NPC1L1: variants seen among roughly 807,000 people sequenced by gnomAD.
The protein encoded by NPC1L1 is NPC1 like intracellular cholesterol transporter 1.
A neutral mutation model predicts 117.0 loss-of-function variants in NPC1L1; 98 were observed. That is an observed-to-expected ratio of 0.84 (90% confidence interval 0.71 to 0.99). The LOEUF (loss-of-function observed/expected upper bound fraction) is 0.99, where lower values mean the gene tolerates loss of function less well. Among genes scored for constraint, NPC1L1 ranks in the 50% least tolerant of loss-of-function variants. The pLI is 0.00. For missense variants in NPC1L1, 1,540 were observed against 1,710.0 expected (o/e 0.90, Z 1.75); for synonymous variants, 729 against 727.6 (o/e 1.00, Z -0.03).
In NPC1L1 at chr7:44,539,497, G is replaced by A. The variant is rs763383173; in HGVS notation, c.900C>T (p.Ile300=). Residue 300 remains isoleucine, a synonymous_variant, in exon 2 of 19, where the codon ATC becomes ATT. Coordinates refer to ENST00000381160, the MANE Select transcript of NPC1L1 (RefSeq NM_001101648.2). This position sits in a 1 kb window ranked among gnomAD's most constrained non-coding sequence, Gnocchi z 4.4. ...ILCSVFAVVT[I]LLVGFRVAPA... ...GGGCCACACGGAATCCCACAAGCAG[G>A]ATGGTGACCACAGCGAAGACAGAGC... 15 of 1,613,560 alleles carry A rather than the reference G, an allele frequency of 9.3e-6. No individual in the cohort carries two copies. In the South Asian group the frequency reaches 1.6e-4, roughly 18 times the overall value.
intron 2 of NPC1L1, 134 bp from the exon 3 acceptor site, chr7:44,537,076 C>T: frequency 1.5e-6 from 1 of 676,990 alleles, no homozygotes; most frequent in Non-Finnish European, 2.5e-6. Flanking sequence ...ACACTGGCTG[C>T]AGATAGCCCA....
At position 44,539,840 on chromosome 7, in the gene NPC1L1, C is replaced by T. The variant is rs1802031527; in HGVS notation, c.557G>A (p.Gly186Asp). 2 of 1,614,130 alleles carry T rather than the reference C, an allele frequency of 1.2e-6. No homozygotes were observed. The highest frequency in any genetic ancestry group is 8.5e-7 in the Non-Finnish European group (1 of 1,180,034). Residue 186 changes from glycine (G) to aspartate (D), a missense_variant, in exon 2 of 19, where the codon GGC becomes GAC. Transcript: ENST00000381160. The surrounding 1 kb of genome is among the most constrained non-coding windows in gnomAD (Gnocchi z 4.4). ...AGAGCCATACACGCCACACATGGTG[C>T]CCACAGCCAGCGTGGCAGCTGCAGG... ...RVPAAATLAV[G>D]TMCGVYGSAL...
At chr7:44,530,019 G>T (rs1269040732) in intron 10 of NPC1L1, among the ~76,000 whole-genome samples, 1 of 142,016 alleles carries the variant, frequency 7.0e-6, no homozygotes, top group Non-Finnish European at 1.5e-5. Flanking sequence ...GGGTGACAGA[G>T]CAAGACTCCA....
chr7:44,517,296 C>T lies in NPC1L1; in HGVS notation c.3198G>A (p.Leu1066=). The part of the protein sequence containing the change: ...LKNSQDYTEA[L]RAARELAANI... ...TGGCTGCCAGCTCTCGAGCTGCCCG[C>T]AGAGCTTCTGTGTAATCCTGTGAGT... The change falls in exon 15 of 19, where the codon CTG becomes CTA. Residue 1066 remains leucine (L), a synonymous_variant. Coordinates refer to ENST00000381160, the MANE Select transcript of NPC1L1 (RefSeq NM_001101648.2). 1 of 1,614,150 alleles carries T rather than the reference C, an allele frequency of 6.2e-7. No individual in the cohort carries two copies. Among genetic ancestry groups the T allele is most frequent in the Non-Finnish European group, 8.5e-7 (1 of 1,180,028 alleles).
intron 10 of NPC1L1, among the ~76,000 whole-genome samples, chr7:44,526,573 T>TAAA (rs1801524549): frequency 7.0e-6 from 1 of 142,926 alleles, no homozygotes; most frequent in African/African-American, 2.7e-5. Flanking sequence ...AACTAAAAAT[T>TAAA]AAAAATAAAA....
intron 10 of NPC1L1, among the ~76,000 whole-genome samples, chr7:44,528,826 T>G (rs1281590083): frequency 6.6e-6 from 1 of 151,844 alleles, no homozygotes; most frequent in African/African-American, 2.4e-5. Context: ...CCCAGCACTT[T>G]GGGAAGCCGA....
intron 5 of NPC1L1, among the ~76,000 whole-genome samples, chr7:44,535,333 C>T (rs1463557814): frequency 6.6e-6 from 1 of 150,946 alleles, no homozygotes; most frequent in East Asian, 1.9e-4. Context: ...CGTTACACTG[C>T]AGCCTGGGCA....
chr7:44,522,914 G>A (rs1242507618), intron 10 of NPC1L1, among the ~76,000 whole-genome samples: 1 of 152,130 alleles, frequency 6.6e-6, no homozygotes, highest in Non-Finnish European at 1.5e-5. Context: ...CACCCTCAAA[G>A]CCATGCACCA....
Position 44,522,122 on chromosome 7 carries a change from A to G in NPC1L1, c.2758T>C (p.Cys920Arg). 6.2e-7 allele frequency: 1 copy of G among 1,614,096 alleles called. No individual in the cohort carries two copies. The change falls in exon 11 of 19, where the codon TGC (cysteine) becomes CGC (arginine). Residue 920 changes from cysteine (C) to arginine (R), a missense_variant. By Grantham distance (180) the Cys-to-Arg change is radical. Around this residue, in one of 3 missense-constraint regions of NPC1L1, gnomAD observed 742 missense variants for 873.6 expected, o/e 0.85. Coordinates refer to ENST00000381160, the MANE Select transcript of NPC1L1 (RefSeq NM_001101648.2). ...FSSEAGMNAI[C>R]SSAGCNNFSF... Reference sequence around the variant, plus strand: ...AAGTTGTTGCAGCCTGCACTGGAGCAGATGGCATTCATCCCAGCCTCGCTG... The same window carrying G: ...AAGTTGTTGCAGCCTGCACTGGAGCGGATGGCATTCATCCCAGCCTCGCTG...
At chr7:44,532,291 G>C in intron 8 of NPC1L1, 74 bp from the exon 9 acceptor site, 1 of 1,593,986 alleles carries the variant, frequency 6.3e-7, no homozygotes, top group Non-Finnish European at 8.6e-7. Context: ...TTGCCCCCAG[G>C]GAGTGTCACC....
At chr7:44,533,683 C>T in intron 7 of NPC1L1, 56 bp downstream of exon 7, 1 of 1,607,898 alleles carries the variant, frequency 6.2e-7, no homozygotes, top group Admixed American at 1.7e-5. Context: ...ACTCCTAGGC[C>T]CCGGCACTAA....
Position 44,513,507 on chromosome 7 carries a change from AC to A in NPC1L1, c.3938del (p.Gly1313ValfsTer28). 6.2e-7 allele frequency: 1 copy of A among 1,614,118 alleles called. No homozygotes were observed. Among genetic ancestry groups the A allele is most frequent in the Non-Finnish European group, 8.5e-7 (1 of 1,180,000 alleles). Reference sequence around the variant, plus strand: ...TGATGGCACCAGCACCTTTGATAGAACCTTCAAAGCTGTGGTTGACATAGAT... The same window carrying A: ...TGATGGCACCAGCACCTTTGATAGAACTTCAAAGCTGTGGTTGACATAGAT... Reference protein sequence around the residue: ...DNIYVNHSFEGSIKGAGAISN... With the variant: ...DNIYVNHSFEXSIKGAGAISN... On this transcript the variant is annotated frameshift_variant, in exon 19 of 19. Coordinates refer to ENST00000381160, the MANE Select transcript of NPC1L1 (RefSeq NM_001101648.2). LOFTEE classifies it low-confidence loss of function (END_TRUNC).
At chr7:44,540,424 G>T in intron 1 of NPC1L1, 82 bp from the exon 2 acceptor site, 2 of 1,266,590 alleles carry the variant, frequency 1.6e-6, no homozygotes, top group Non-Finnish European at 2.3e-6. Context: ...GAGGGTGTGA[G>T]GGTAAGAAGG....
At chr7:44,532,484 T>A (rs1432453202) in intron 8 of NPC1L1, among the ~76,000 whole-genome samples, 1 of 152,248 alleles carries the variant, frequency 6.6e-6, no homozygotes, top group Admixed American at 6.5e-5. Context: ...TTGAACTGCC[T>A]GGGCTCACTT....
chr7:44,520,398 G>C (rs1181874613), intron 14 of NPC1L1, among the ~76,000 whole-genome samples: 2 of 152,200 alleles, frequency 1.3e-5, no homozygotes, highest in East Asian at 1.9e-4. Flanking sequence ...CCAGCCTCTT[G>C]TTACTTTAAA....
chr7:44,522,893 G>T (rs937790494), intron 10 of NPC1L1, among the ~76,000 whole-genome samples: 1 of 151,174 alleles, frequency 6.6e-6, no homozygotes, highest in Non-Finnish European at 1.5e-5. Flanking sequence ...ACATATAAAT[G>T]TCAGTGTGCA....
Position 44,539,543 on chromosome 7 carries a change from A to C in NPC1L1, c.854T>G (p.Leu285Arg). The C allele has an allele frequency of 6.2e-7, 1 of 1,614,124 alleles. No homozygotes were observed. The highest frequency in any genetic ancestry group is 8.5e-7 in the Non-Finnish European group (1 of 1,180,006). Reference protein sequence around the residue: ...TFYLGQMPGSLVLIIILCSVF... With the variant: ...TFYLGQMPGSRVLIIILCSVF... ...AGAGCAGAGGATGATGATGAGGACC[A>C]GACTGCCCGGCATCTGGCCCAGGTA... The change falls in exon 2 of 19, where the codon CTG becomes CGG. Residue 285 changes from leucine (L) to arginine (R), a missense_variant. Physicochemically the swap from Leu to Arg is moderately radical, Grantham distance 102. Around this residue, in one of 3 missense-constraint regions of NPC1L1, gnomAD observed 793 missense variants for 820.4 expected, o/e 0.97. Transcript: ENST00000381160. The surrounding 1 kb of genome is among the most constrained non-coding windows in gnomAD (Gnocchi z 4.4).
intron 6 of NPC1L1, 65 bp from the exon 7 acceptor site, chr7:44,533,918 A>C: frequency 7.1e-7 from 1 of 1,401,430 alleles, no homozygotes; most frequent in South Asian, 1.2e-5. Context: ...AAAGGCCAGC[A>C]GGGAGTTGGC....
At chr7:44,527,221 G>T (rs555816860) in intron 10 of NPC1L1, among the ~76,000 whole-genome samples, 1 of 152,102 alleles carries the variant, frequency 6.6e-6, no homozygotes, top group East Asian at 1.9e-4. Flanking sequence ...CACTTTGGGA[G>T]GCCAAGGCGG....
Sources: allele counts gnomAD v4.1 joint callset (sites outside exome capture counted in the v4.1 genomes callset), GRCh38; gene constraint gnomAD v4.1.1; regional missense constraint gnomAD v4.1.1; non-coding constraint Gnocchi (gnomAD v3.1); transcripts MANE v1.5; gene names NCBI Gene and HGNC (gene_info 2026-07-23, HGNC 2026-07-21).